The following PICALM variants were observed in gnomAD, a reference collection of about 807,000 sequenced individuals.
The protein encoded by PICALM is phosphatidylinositol-binding clathrin assembly protein.
A neutral mutation model predicts 80.5 loss-of-function variants in PICALM; 40 were observed. The observed-to-expected ratio is 0.50, with a 90% CI of 0.39 to 0.65. The LOEUF is 0.65. Among genes scored for constraint, PICALM ranks in the 30% least tolerant of loss-of-function variants. PICALM has a pLI of 0.00. For synonymous variants in PICALM, 288 were observed against 260.3 expected (o/e 1.11, Z -1.02); for missense variants, 676 against 778.9 (o/e 0.87, Z 1.57).
intron 8 of PICALM, among the ~76,000 whole-genome samples, chr11:86,006,401 A>G (rs148255064): frequency 6.6e-6 from 1 of 152,140 alleles, no homozygotes; most frequent in African/African-American, 2.4e-5. Flanking sequence ...TAATCCCAAC[A>G]CTTTCGGAAG....
chr11:85,974,471 C>A, intron 19 of PICALM: 2 of 625,040 alleles, frequency 3.2e-6, no homozygotes, highest in Non-Finnish European at 6.1e-6. Context: ...TTTGGATCTA[C>A]CAACTATAAG....
intron 19 of PICALM, among the ~76,000 whole-genome samples, chr11:85,959,633 CAAAA>C (rs1161064257): frequency 6.6e-5 from 3 of 45,204 alleles, no homozygotes; most frequent in African/African-American, 2.0e-4. Context: ...AACTCCATCT[CAAAA>C]AAAAAAAAAA....
At chr11:85,984,492 G>A (rs2094524588) in intron 13 of PICALM, among the ~76,000 whole-genome samples, 1 of 152,126 alleles carries the variant, frequency 6.6e-6, no homozygotes, top group Non-Finnish European at 1.5e-5. Context: ...TAAGTTCAGT[G>A]ATGGGATTCT....
chr11:86,022,384 G>C lies in PICALM; in HGVS notation c.435C>G (p.Phe145Leu). ...TAACTCACCCTCTCTTCACTTTTGT[G>C]AAATCAAATGCAACTTGTCTGTATG... ...AVSYRQVAFDFTKVKRGADGV... is the reference protein window; with the variant it reads ...AVSYRQVAFDLTKVKRGADGV... The change falls in exon 4 of 20, where the codon TTC (phenylalanine) becomes TTG (leucine). Residue 145 changes from phenylalanine to leucine, a missense_variant. This residue lies in a region of PICALM where 285 missense variants were observed against 395.4 expected (regional missense o/e 0.72). Transcript: ENST00000393346. The C allele has an allele frequency of 6.3e-7, 1 of 1,576,364 alleles. No individual in the cohort carries two copies. Among genetic ancestry groups the C allele is most frequent in the Non-Finnish European group, 8.6e-7 (1 of 1,161,134 alleles).
chr11:86,027,755 A>G (rs1262090971), intron 2 of PICALM, among the ~76,000 whole-genome samples: 1 of 152,138 alleles, frequency 6.6e-6, no homozygotes, highest in Non-Finnish European at 1.5e-5. Context: ...TCTTGGGCTC[A>G]AGCAATCCTC....
intron 19 of PICALM, chr11:85,969,557 A>G (rs1418112565): frequency 1.1e-5 from 3 of 261,722 alleles, no homozygotes; most frequent in Non-Finnish European, 2.4e-5. Flanking sequence ...AAGGTAATTC[A>G]TTAAGAAAAA....
In PICALM at chr11:85,990,234, T is replaced by C. The variant is rs201964695; in HGVS notation, c.1408+16A>G. On this transcript the variant is annotated intron_variant, in intron 13 of 19. Coordinates refer to ENST00000393346, the MANE Select transcript of PICALM (RefSeq NM_007166.4). ...TATAAACATTGATTGGAAAAAAAGG[T>C]TAAATGGTACTTTACCAACAAACAT... The C allele has an allele frequency of 7.3e-5, 111 of 1,527,152 alleles. No homozygotes were observed. In the East Asian group the frequency reaches 2.3e-3, roughly 31 times the overall value. The allele number at this position is 1,527,152 out of a possible 1,614,324, so 94.6% of individuals were successfully genotyped here. A position where few individuals can be genotyped will look rare whatever the true frequency, so the allele number is the denominator to read the frequency against.
chr11:85,965,807 G>GTTTTTTTTTTT (rs142410273), intron 19 of PICALM, among the ~76,000 whole-genome samples: 5 of 79,256 alleles, frequency 6.3e-5, no homozygotes, highest in African/African-American at 2.3e-4. Context: ...TACCCATTTT[G>GTTTTTTTTTTT]TTTTTTTGTT....
chr11:86,021,625 G>C (rs1225873875), intron 4 of PICALM, among the ~76,000 whole-genome samples: 6 of 152,082 alleles, frequency 3.9e-5, no homozygotes, highest in Non-Finnish European at 8.8e-5. Context: ...AAATGATTTG[G>C]CAGTTCCTCA....
At chr11:86,069,800 G>C (rs1272035521), upstream of PICALM, 1 of 152,204 alleles carries the variant, frequency 6.6e-6, no homozygotes, top group African/African-American at 2.4e-5. Context: ...CCGAAAACCC[G>C]ACACGTTGCT....
intron 3 of PICALM, among the ~76,000 whole-genome samples, chr11:86,025,398 C>CA (rs2095634205): frequency 6.6e-6 from 1 of 151,362 alleles, no homozygotes; most frequent in Non-Finnish European, 1.5e-5. Context: ...GACTTCGTCT[C>CA]AAAAAAACAT....
At chr11:85,960,397 G>A (rs1285814883) in intron 19 of PICALM, among the ~76,000 whole-genome samples, 1 of 152,172 alleles carries the variant, frequency 6.6e-6, no homozygotes, top group Non-Finnish European at 1.5e-5. Context: ...GTATTCACTT[G>A]CCCTTAATTA....
chr11:86,064,775 TC>T (rs947852733), intron 1 of PICALM, among the ~76,000 whole-genome samples: 26 of 151,014 alleles, frequency 1.7e-4, no homozygotes, highest in African/African-American at 6.3e-4. Flanking sequence ...AGAATTCATA[TC>T]AAAAAATAGG....
intron 18 of PICALM, among the ~76,000 whole-genome samples, chr11:85,975,878 T>G (rs2094264238): frequency 6.6e-6 from 1 of 152,156 alleles, no homozygotes; most frequent in African/African-American, 2.4e-5. Context: ...ATTACAGGCG[T>G]AAGCCACCAC....
chr11:85,966,796 G>T (rs510566), intron 19 of PICALM, among the ~76,000 whole-genome samples: 37,602 of 151,990 alleles, frequency 0.25, 4,843 homozygotes, highest in African/African-American at 0.31. Flanking sequence ...TAGAGAGAAT[G>T]CCATGTTGAC....
chr11:85,963,568 A>C lies in PICALM; in HGVS notation c.1945-4508T>G, dbSNP rs868138504. On this transcript the variant is annotated intron_variant, in intron 19 of 19. Transcript: ENST00000393346. ...AGACATAGTCTTTTCTCATGTATAG[A>C]AAAATGAAATACTGAGAAGAGCAGC... Among the ~76,000 whole-genome samples the C allele has an allele frequency of 4.3e-4, 66 of 152,340 alleles. 1 individual carries two copies. Among genetic ancestry groups the C allele is most frequent in the African/African-American group, 1.5e-3 (62 of 41,580 alleles).
rs561655469 is a variant in PICALM at position 85,990,365 on chromosome 11, A to G, written c.1293T>C (p.Asp431=). 6 of 1,608,316 alleles carry G rather than the reference A, an allele frequency of 3.7e-6. No individual in the cohort carries two copies. The East Asian group carries it at 1.1e-4, about 30-fold the overall frequency. ...GGAAAGGATTTAAGCTTGGAATGGC[A>G]TCATCAACAGCATCTACAGTAGCAG... ...PFSATVDAVD[D]AIPSLNPFLT... The change falls in exon 13 of 20, where the codon GAT becomes GAC. Residue 431 remains aspartate, a synonymous_variant. Coordinates refer to ENST00000393346, the MANE Select transcript of PICALM (RefSeq NM_007166.4).
At chr11:85,986,101 AC>A (rs1490856588) in intron 13 of PICALM, among the ~76,000 whole-genome samples, 5 of 152,002 alleles carry the variant, frequency 3.3e-5, no homozygotes, top group African/African-American at 9.7e-5. Flanking sequence ...AGTTTTAAAA[AC>A]ATCTATAAAC....
intron 17 of PICALM, among the ~76,000 whole-genome samples, chr11:85,977,190 C>T (rs1426011477): frequency 5.3e-5 from 8 of 152,304 alleles, no homozygotes; most frequent in African/African-American, 1.9e-4. Context: ...TTTCAAAAAA[C>T]TCCAAAGGTT....
Sources: allele counts gnomAD v4.1 joint callset (sites outside exome capture counted in the v4.1 genomes callset), GRCh38; gene constraint gnomAD v4.1.1; regional missense constraint gnomAD v4.1.1; transcripts MANE v1.5; gene names NCBI Gene and HGNC (gene_info 2026-07-23, HGNC 2026-07-21).